KRT31: variants seen among roughly 807,000 people sequenced by gnomAD.
The protein encoded by KRT31 is keratin 31, also known as keratin, type I cuticular Ha1.
In KRT31, 27 loss-of-function variants were observed where a neutral mutation model predicts 40.8. That is an observed-to-expected ratio of 0.66 (90% CI 0.49 to 0.91). The LOEUF (loss-of-function observed/expected upper bound fraction) is 0.91, where lower values mean the gene tolerates loss of function less well. Ranked by LOEUF, KRT31 falls within the 40% of genes least tolerant of loss-of-function variation. The pLI, the probability that KRT31 is intolerant of heterozygous loss-of-function variation, is 0.00. For synonymous variants in KRT31, 231 were observed against 231.9 expected (o/e 1.00, Z 0.03); for missense variants, 510 against 544.1 (o/e 0.94, Z 0.62).
Position 41,396,978 on chromosome 17 carries a change from A to G in KRT31, c.366T>C (p.Ser122=). 6.2e-7 allele frequency: 1 copy of G among 1,613,950 alleles called. No homozygotes were observed. Among genetic ancestry groups the G allele is most frequent in the South Asian group, 1.1e-5 (1 of 91,080 alleles). Residue 122 remains serine (S), a synonymous_variant, in exon 2 of 7, where the codon TCT becomes TCC. Transcript: ENST00000251645. The part of the protein sequence containing the change: ...ELQQKILCTK[S]ENARLVVQID... ...TCTGCACCACAAGCCTGGCATTCTC[A>G]GACTTGGTACACAGGATCTGGGGAG...
rs770991859 is a variant in KRT31, at chr17:41,395,329, C to G, written c.792G>C (p.Gln264His). 1.2e-6 allele frequency: 2 copies of G among 1,613,904 alleles called. No individual in the cohort carries two copies. The highest frequency in any genetic ancestry group is 1.7e-6 in the Non-Finnish European group (2 of 1,180,048). ...LNKQVVSSSE[Q>H]LQSYQAEIIE... is the part of the protein sequence containing the mutation. The stretch of plus-strand genomic sequence containing the variant: ...TGATCTCCGCCTGGTAGGACTGCAG[C>G]TGCTCTGAGCTGGATACCACCTGCT... The change falls in exon 5 of 7, where the codon CAG becomes CAC. Residue 264 changes from glutamine to histidine, a missense_variant. Physicochemically the swap from Gln to His is conservative, Grantham distance 24. Coordinates refer to ENST00000251645, the MANE Select transcript of KRT31 (RefSeq NM_002277.3).
rs1225270749 is a variant in KRT31 at position 41,395,387 on chromosome 17, G to A, written c.751-17C>T. 2 of 1,614,070 alleles carry A rather than the reference G, an allele frequency of 1.2e-6. No homozygotes were observed. Among genetic ancestry groups the A allele is most frequent in the African/African-American group, 1.3e-5 (1 of 74,936 alleles). On this transcript the variant is annotated splice_polypyrimidine_tract_variant and intron_variant, in intron 4 of 6. Coordinates refer to ENST00000251645, the MANE Select transcript of KRT31 (RefSeq NM_002277.3). The stretch of plus-strand genomic sequence containing the variant: ...CTCCTCGGTCTGAAACACCCAAGGG[G>A]AGAAAGGATCAGACCCTGCCTCCGG...
chr17:41,396,591 G>T lies in KRT31; in HGVS notation c.432-15C>A. Reference sequence around the variant, plus strand: ...CGGTCTGGTACCTGCGCAAGGACAGGGTCAGAGTACTACCTGGTAGATCTT... The same window carrying T: ...CGGTCTGGTACCTGCGCAAGGACAGTGTCAGAGTACTACCTGGTAGATCTT... On this transcript the variant is annotated splice_polypyrimidine_tract_variant and intron_variant, in intron 2 of 6. Transcript: ENST00000251645. 6.2e-7 allele frequency: 1 copy of T among 1,610,528 alleles called. No homozygotes were observed. Among genetic ancestry groups the T allele is most frequent in the Non-Finnish European group, 8.5e-7 (1 of 1,177,940 alleles).
In KRT31 at chr17:41,396,893, G is replaced by C. The variant is rs1385366971; in HGVS notation, c.431+20C>G. 1 of 1,591,786 alleles carries C rather than the reference G, an allele frequency of 6.3e-7. No individual in the cohort carries two copies. Among genetic ancestry groups the C allele is most frequent in the Non-Finnish European group, 8.6e-7 (1 of 1,159,758 alleles). On this transcript the variant is annotated intron_variant, in intron 2 of 6. Transcript: ENST00000251645. ...TTAAACAGAAGCAATTGACACTAGTGCAAATTCCGAACAACTCACTTGGTT... is the reference window on the plus strand; with the variant it reads ...TTAAACAGAAGCAATTGACACTAGTCCAAATTCCGAACAACTCACTTGGTT...
Position 41,393,750 on chromosome 17 carries a change from G to T in KRT31, c.*266C>A, listed in dbSNP as rs1187247206. On this transcript the variant is annotated 3_prime_UTR_variant, in exon 7 of 7. Transcript: ENST00000251645. Reference sequence around the variant, plus strand: ...TTGCCAAGGAAATGATATTTATTAGGAGGTTAAAAGGGAGGCCCACTGGCA... The same window carrying T: ...TTGCCAAGGAAATGATATTTATTAGTAGGTTAAAAGGGAGGCCCACTGGCA... The T allele has an allele frequency of 1.3e-5, 6 of 465,154 alleles. No homozygotes were observed. The highest frequency in any genetic ancestry group is 8.2e-5 in the African/African-American group (4 of 48,948). 28.8% of individuals were successfully genotyped at this position (465,154 alleles called of 1,614,324 possible). A position where few individuals can be genotyped will look rare whatever the true frequency, so the allele number is the denominator to read the frequency against.
chr17:41,394,175 G>A lies in KRT31; in HGVS notation c.1098-6C>T. 1 of 1,609,446 alleles carries A rather than the reference G, an allele frequency of 6.2e-7. No homozygotes were observed. The highest frequency in any genetic ancestry group is 2.2e-5 in the East Asian group (1 of 44,684). On this transcript the variant is annotated splice_region_variant and splice_polypyrimidine_tract_variant and intron_variant, in intron 6 of 6. Transcript: ENST00000251645. The stretch of plus-strand genomic sequence containing the variant: ...CACAGGGATTGCTGGGCAGACTGGA[G>A]ACAAAAGAATGATGTGGAAAAGTGA...
In KRT31 at chr17:41,394,203, TA is replaced by T. The variant is rs763676769; in HGVS notation, c.1098-35del. 3 of 1,606,786 alleles carry T rather than the reference TA, an allele frequency of 1.9e-6. No homozygotes were observed. In the East Asian group the frequency reaches 6.7e-5, roughly 36 times the overall value. ...AAAAGAATGATGTGGAAAAGTGAGT[TA>T]AGGGCAATTTTAAAATCATATGCCA... On this transcript the variant is annotated intron_variant, in intron 6 of 6. Coordinates refer to ENST00000251645, the MANE Select transcript of KRT31 (RefSeq NM_002277.3).
rs1228705896 is a variant in KRT31 at position 41,395,009 on chromosome 17, G to C, written c.936C>G (p.Ser312=). 3 of 1,614,116 alleles carry C rather than the reference G, an allele frequency of 1.9e-6. No individual in the cohort carries two copies. Among genetic ancestry groups the C allele is most frequent in the Non-Finnish European group, 8.5e-7 (1 of 1,180,060 alleles). Residue 312 remains serine (S), a synonymous_variant, in exon 6 of 7, where the codon TCC becomes TCG. Coordinates refer to ENST00000251645, the MANE Select transcript of KRT31 (RefSeq NM_002277.3). ...CGTTGGTGATCAGGCTCTGCACCTG[G>C]GACAGCTGGGAGCTGTAGCGGGCCT... ...ESEARYSSQL[S]QVQSLITNVE... is the part of the protein sequence containing the mutation.
Position 41,395,543 on chromosome 17 carries a change from C to T in KRT31, c.669G>A (p.Arg223=). 1.2e-6 allele frequency: 2 copies of T among 1,614,208 alleles called. No homozygotes were observed. Among genetic ancestry groups the T allele is most frequent in the South Asian group, 1.1e-5 (1 of 91,080 alleles). ...ACTGACTCCTGGTCTCGTTCAGCAC[C>T]CGATTCAGGTCCACAGTGGGAGCAG... ...VDAAPTVDLN[R]VLNETRSQYE... Residue 223 remains arginine, a synonymous_variant, in exon 4 of 7, where the codon CGG becomes CGA. Transcript: ENST00000251645.
chr17:41,395,115 G>C, intron 5 of KRT31, 47 bp from the exon 6 acceptor site: 1 of 1,611,792 alleles, frequency 6.2e-7, no homozygotes, highest in Middle Eastern at 1.7e-4. Context: ...TCCTTCAAAG[G>C]GTTTCTTCAC....
chr17:41,395,938 A>C (rs563907999), intron 3 of KRT31, among the ~76,000 whole-genome samples: 1 of 152,326 alleles, frequency 6.6e-6, no homozygotes, highest in Non-Finnish European at 1.5e-5. Flanking sequence ...TAGGCTGTGC[A>C]ATTTCAGACC....
rs1353104780 is a variant in KRT31 at position 41,393,726 on chromosome 17, T to C, written c.*290A>G. 1 of 429,288 alleles carries C rather than the reference T, an allele frequency of 2.3e-6. No individual in the cohort carries two copies. The highest frequency in any genetic ancestry group is 4.0e-5 in the East Asian group (1 of 24,912). 26.6% of individuals were successfully genotyped at this position (429,288 alleles called of 1,614,324 possible). ...ATACAAATGAAAAAGGCATCTGCTTTGCCAAGGAAATGATATTTATTAGGA... is the reference window on the plus strand; with the variant it reads ...ATACAAATGAAAAAGGCATCTGCTTCGCCAAGGAAATGATATTTATTAGGA... On this transcript the variant is annotated 3_prime_UTR_variant, in exon 7 of 7. Coordinates refer to ENST00000251645, the MANE Select transcript of KRT31 (RefSeq NM_002277.3).
chr17:41,396,786 T>C, intron 2 of KRT31, 127 bp downstream of exon 2: 1 of 1,022,220 alleles, frequency 9.8e-7, no homozygotes, highest in Non-Finnish European at 1.4e-6. Flanking sequence ...TTTCTTTGCT[T>C]GGTTCTCCCC....
rs904163566 is a variant in KRT31 at position 41,394,093 on chromosome 17, A to C, written c.1174T>G (p.Ser392Ala). ...GTGCAGGGGGCAGGAGGGACACAAG[A>C]GGTACAGGGATTGGAGAGACAGGGT... ...IGPCLSNPCT[S>A]CVPPAPCTPC... Residue 392 changes from serine to alanine, a missense_variant, in exon 7 of 7, where the codon TCT (serine) becomes GCT (alanine). Coordinates refer to ENST00000251645, the MANE Select transcript of KRT31 (RefSeq NM_002277.3). 4 of 1,612,864 alleles carry C rather than the reference A, an allele frequency of 2.5e-6. No individual in the cohort carries two copies. In the African/African-American group the frequency reaches 5.3e-5, roughly 22 times the overall value.
chr17:41,395,040 T>G lies in KRT31; in HGVS notation c.905A>C (p.Glu302Ala). Residue 302 changes from glutamate (E) to alanine (A), a missense_variant, in exon 6 of 7, where the codon GAG becomes GCG. By Grantham distance (107) the Glu-to-Ala change is moderately radical. Coordinates refer to ENST00000251645, the MANE Select transcript of KRT31 (RefSeq NM_002277.3). ...LRDSLENTLT[E>A]SEARYSSQLS... is the part of the protein sequence containing the mutation. ...CTGGGAGCTGTAGCGGGCCTCACTC[T>G]CTGTCAGCGTGTTTTCCAGAGAGTC... is the stretch of plus-strand genomic sequence containing the variant. 1 of 1,614,234 alleles carries G rather than the reference T, an allele frequency of 6.2e-7. No homozygotes were observed. The highest frequency in any genetic ancestry group is 8.5e-7 in the Non-Finnish European group (1 of 1,180,038).
chr17:41,396,111 A>AC (rs1394948660), intron 3 of KRT31, among the ~76,000 whole-genome samples: 1 of 152,190 alleles, frequency 6.6e-6, no homozygotes, highest in East Asian at 1.9e-4. Context: ...TTGCCAAAAA[A>AC]AAAAAAAAAA....
chr17:41,394,937 G>A lies in KRT31; in HGVS notation c.1008C>T (p.Asn336=). 1.9e-6 allele frequency: 3 copies of A among 1,614,202 alleles called. No homozygotes were observed. Among genetic ancestry groups the A allele is most frequent in the Middle Eastern group, 1.6e-4 (1 of 6,062 alleles). ...CATCCAGCAGCACCTGGTACTCCTGGTTCTGCCGCTCCAGGTCACTGCGGA... is the reference window on the plus strand; with the variant it reads ...CATCCAGCAGCACCTGGTACTCCTGATTCTGCCGCTCCAGGTCACTGCGGA... ...AEIRSDLERQ[N]QEYQVLLDVR... is the part of the protein sequence containing the mutation. Residue 336 remains asparagine, a synonymous_variant, in exon 6 of 7, where the codon AAC becomes AAT. Transcript: ENST00000251645.
At position 41,394,901 on chromosome 17, in the gene KRT31, C is replaced by G; in HGVS notation, c.1044G>C (p.Arg348=). 6.2e-7 allele frequency: 1 copy of G among 1,614,198 alleles called. No homozygotes were observed. Among genetic ancestry groups the G allele is most frequent in the Non-Finnish European group, 8.5e-7 (1 of 1,180,040 alleles). Residue 348 remains arginine (R), a synonymous_variant, in exon 6 of 7, where the codon CGG becomes CGC. Coordinates refer to ENST00000251645, the MANE Select transcript of KRT31 (RefSeq NM_002277.3). ...GGTATGTGTTGATCTCACACTCCAGCCGGGCACGCACATCCAGCAGCACCT... is the reference window on the plus strand; with the variant it reads ...GGTATGTGTTGATCTCACACTCCAGGCGGGCACGCACATCCAGCAGCACCT... ...EYQVLLDVRA[R]LECEINTYRS...
Position 41,395,519 on chromosome 17 carries a change from C to A in KRT31, c.693G>T (p.Gln231His). 6.2e-7 allele frequency: 1 copy of A among 1,614,220 alleles called. No individual in the cohort carries two copies. The highest frequency in any genetic ancestry group is 1.7e-5 in the Admixed American group (1 of 60,028). ...GGTTGGTTTCCACCAGGGCCTCATACTGACTCCTGGTCTCGTTCAGCACCC... is the reference window on the plus strand; with the variant it reads ...GGTTGGTTTCCACCAGGGCCTCATAATGACTCCTGGTCTCGTTCAGCACCC... ...LNRVLNETRSQYEALVETNRR... is the reference protein window; with the variant it reads ...LNRVLNETRSHYEALVETNRR... The change falls in exon 4 of 7, where the codon CAG (glutamine) becomes CAT (histidine). Residue 231 changes from glutamine to histidine, a missense_variant. By Grantham distance (24) the Gln-to-His change is conservative. Transcript: ENST00000251645.
Sources: gnomAD v4.1 joint callset for allele counts (sites outside exome capture counted in the v4.1 genomes callset) on GRCh38, gnomAD v4.1.1 for gene constraint, MANE v1.5 for transcripts, NCBI Gene and HGNC (gene_info 2026-07-23, HGNC 2026-07-21) for gene names.